The following IRAK3 variants were observed in gnomAD, a reference collection of about 807,000 sequenced individuals.
IRAK3 encodes interleukin 1 receptor associated kinase 3.
In IRAK3, 57 loss-of-function variants were observed where a neutral mutation model predicts 56.6. The ratio of observed to expected loss-of-function variants is 1.01; its 90% CI spans 0.81 to 1.26. IRAK3 has a LOEUF of 1.26. IRAK3 is among the 50% of genes most tolerant of loss of function. IRAK3 has a pLI of 0.00. For missense variants in IRAK3, 703 were observed against 719.0 expected (o/e 0.98, Z 0.25); for synonymous variants, 258 against 255.7 (o/e 1.01, Z -0.09).
At chr12:66,233,517 C>T (rs947230148) in intron 8 of IRAK3, among the ~76,000 whole-genome samples, 2 of 80,234 alleles carry the variant, frequency 2.5e-5, no homozygotes, top group African/African-American at 4.0e-5. Context: ...GACTCCGTCT[C>T]GGAAAAAAAA....
intron 8 of IRAK3, 113 bp from the exon 9 acceptor site, chr12:66,244,373 T>C (rs1018504532): frequency 1.7e-5 from 13 of 759,138 alleles, no homozygotes; most frequent in Non-Finnish European, 3.0e-5. Context: ...TGGCTTTATT[T>C]TGACAGTGTT....
chr12:66,203,640 A>T, intron 1 of IRAK3, 71 bp from the exon 2 acceptor site: 2 of 1,296,600 alleles, frequency 1.5e-6, no homozygotes. Context: ...ATAAAACATT[A>T]GGTACACAAA....
At chr12:66,206,570 T>A (rs145588790) in intron 2 of IRAK3, among the ~76,000 whole-genome samples, 1 of 152,344 alleles carries the variant, frequency 6.6e-6, no homozygotes, top group African/African-American at 2.4e-5. Flanking sequence ...CTGGGATAAA[T>A]CCCATTTGGT....
intron 5 of IRAK3, among the ~76,000 whole-genome samples, chr12:66,214,290 G>A (rs2052643176): frequency 6.6e-6 from 1 of 151,926 alleles, no homozygotes; most frequent in Non-Finnish European, 1.5e-5. Flanking sequence ...TTGGGAGGCT[G>A]AGGTGGGCGG....
At position 66,248,097 on chromosome 12, in the gene IRAK3, A is replaced by C. The variant is rs2053056042; in HGVS notation, c.1717A>C (p.Arg573=). 1 of 1,602,978 alleles carries C rather than the reference A, an allele frequency of 6.2e-7. No individual in the cohort carries two copies. The highest frequency in any genetic ancestry group is 2.2e-5 in the East Asian group (1 of 44,858). ...PSSEAPGHSC[R]SRPVESSCSS... is the part of the protein sequence containing the mutation. ...TTCAGAAGCTCCAGGGCATTCTTGC[A>C]GGAGCAGGCCAGTGGAGAGCAGCTG... The change falls in exon 12 of 12, where the codon AGG becomes CGG. Residue 573 remains arginine (R), a synonymous_variant. Transcript: ENST00000261233.
Position 66,253,213 on chromosome 12 carries a change from A to G in IRAK3, c.*5042A>G, listed in dbSNP as rs926271866. Reference sequence around the variant, plus strand: ...CTTTCTAGTATTCAGAATATAATCAATCATTGCTTAAATTATTCCATTTCA... The same window carrying G: ...CTTTCTAGTATTCAGAATATAATCAGTCATTGCTTAAATTATTCCATTTCA... On this transcript the variant is annotated 3_prime_UTR_variant, in exon 12 of 12. Transcript: ENST00000261233. 1.3e-5 allele frequency: 2 copies of G among 152,234 alleles called. No individual in the cohort carries two copies. The highest frequency in any genetic ancestry group is 4.8e-5 in the African/African-American group (2 of 41,466). 9.4% of individuals were successfully genotyped at this position (152,234 alleles called of 1,614,324 possible).
At chr12:66,247,134 G>A (rs1422400504) in intron 11 of IRAK3, among the ~76,000 whole-genome samples, 1 of 152,164 alleles carries the variant, frequency 6.6e-6, no homozygotes, top group Non-Finnish European at 1.5e-5. Context: ...GCTGGGCATG[G>A]TGGCACGTGC....
chr12:66,203,566 T>A (rs2136919115), intron 1 of IRAK3, 145 bp from the exon 2 acceptor site: 1 of 770,616 alleles, frequency 1.3e-6, no homozygotes, highest in East Asian at 2.7e-5. Flanking sequence ...GGTGAATATA[T>A]TCCAAATTAG....
chr12:66,209,235 A>C (rs1274585928), intron 2 of IRAK3, among the ~76,000 whole-genome samples: 1 of 152,194 alleles, frequency 6.6e-6, no homozygotes, highest in Non-Finnish European at 1.5e-5. Flanking sequence ...GTTTTAAGTG[A>C]ACAAAAGTAT....
chr12:66,244,942 T>C lies in IRAK3; in HGVS notation c.1087-6T>C. On this transcript the variant is annotated splice_region_variant and splice_polypyrimidine_tract_variant and intron_variant, in intron 9 of 11. Transcript: ENST00000261233. ...ATATAGCTGACTTTCTATATATTCCTTGTAGGTAATAATGGAAGTTCTAAC... is the reference window on the plus strand; with the variant it reads ...ATATAGCTGACTTTCTATATATTCCCTGTAGGTAATAATGGAAGTTCTAAC... 2 of 1,601,192 alleles carry C rather than the reference T, an allele frequency of 1.2e-6. No homozygotes were observed. The highest frequency in any genetic ancestry group is 1.7e-6 in the Non-Finnish European group (2 of 1,168,288).
At chr12:66,237,294 T>G (rs2052918332) in intron 8 of IRAK3, among the ~76,000 whole-genome samples, 1 of 152,174 alleles carries the variant, frequency 6.6e-6, no homozygotes, top group Non-Finnish European at 1.5e-5. Flanking sequence ...CAACCTGTAC[T>G]TGAACCCTTG....
intron 5 of IRAK3, among the ~76,000 whole-genome samples, chr12:66,214,539 A>AAAAACAAAAC (rs71096078): frequency 0.051 from 7,591 of 147,926 alleles, 223 homozygotes; most frequent in Non-Finnish European, 0.058. Context: ...AGACCCTATC[A>AAAAACAAAAC]AAAACAAAAC....
intron 1 of IRAK3, among the ~76,000 whole-genome samples, chr12:66,191,161 T>TG (rs1476933895): frequency 6.6e-6 from 1 of 152,186 alleles, no homozygotes; most frequent in Non-Finnish European, 1.5e-5. Flanking sequence ...GCTGTTGATA[T>TG]GGGGAAGCTG....
chr12:66,227,761 CAAAAA>C (rs34349535), intron 7 of IRAK3, among the ~76,000 whole-genome samples: 2 of 107,910 alleles, frequency 1.9e-5, no homozygotes, highest in Non-Finnish European at 1.9e-5. Flanking sequence ...GACCTTGTCT[CAAAAA>C]AAAAAAAAAA....
At chr12:66,246,637 C>T (rs946817685) in intron 11 of IRAK3, among the ~76,000 whole-genome samples, 1 of 152,228 alleles carries the variant, frequency 6.6e-6, no homozygotes, top group Non-Finnish European at 1.5e-5. Context: ...ACCTTACTGA[C>T]TAATGATACT....
At position 66,251,127 on chromosome 12, in the gene IRAK3, C is replaced by A. The variant is rs2053095132; in HGVS notation, c.*2956C>A. On this transcript the variant is annotated 3_prime_UTR_variant, in exon 12 of 12. Coordinates refer to ENST00000261233, the MANE Select transcript of IRAK3 (RefSeq NM_007199.3). ...GATTGTTGACCAATCATCTTATTGA[C>A]TAGACCATCTTTCTAGAGTATAACT... 6.6e-6 allele frequency: 1 copy of A among 152,164 alleles called. No individual in the cohort carries two copies. The highest frequency in any genetic ancestry group is 2.1e-4 in the South Asian group (1 of 4,822). The allele number at this position is 152,164 out of a possible 1,614,324, so 9.4% of individuals were successfully genotyped here. A position where few individuals can be genotyped will look rare whatever the true frequency, so the allele number is the denominator to read the frequency against.
chr12:66,229,443 C>A (rs1018540203), intron 8 of IRAK3, among the ~76,000 whole-genome samples: 1 of 152,080 alleles, frequency 6.6e-6, no homozygotes, highest in Admixed American at 6.5e-5. Flanking sequence ...GAACCATTTC[C>A]CAGTATCTTG....
intron 1 of IRAK3, among the ~76,000 whole-genome samples, chr12:66,202,028 G>T (rs945169400): frequency 2.0e-5 from 3 of 152,152 alleles, no homozygotes; most frequent in Non-Finnish European, 4.4e-5. Flanking sequence ...GTATGGGTTG[G>T]CAATTCTGAA....
At position 66,209,711 on chromosome 12, in the gene IRAK3, G is replaced by A. The variant is rs549431055; in HGVS notation, c.381+191G>A. Among the ~76,000 whole-genome samples the A allele has an allele frequency of 2.7e-4, 41 of 152,288 alleles. 1 individual carries two copies. The South Asian group carries it at 8.5e-3, about 32-fold the overall frequency. On this transcript the variant is annotated intron_variant, in intron 3 of 11. Transcript: ENST00000261233. ...AAATTAGAGATTTATAAATATTTGAGAAATTAAGAGCTTTCTGTTCTCAGT... is the reference window on the plus strand; with the variant it reads ...AAATTAGAGATTTATAAATATTTGAAAAATTAAGAGCTTTCTGTTCTCAGT...
Sources: allele counts gnomAD v4.1 joint callset (sites outside exome capture counted in the v4.1 genomes callset), GRCh38; gene constraint gnomAD v4.1.1; transcripts MANE v1.5; gene names NCBI Gene and HGNC (gene_info 2026-07-23, HGNC 2026-07-21).